GPHN: variants seen among roughly 807,000 people sequenced by gnomAD.
GPHN encodes gephyrin.
GPHN carries 17 observed loss-of-function variants against 95.5 expected under a neutral mutation model. That is an observed-to-expected ratio of 0.18 (90% CI 0.12 to 0.27). The LOEUF is 0.27. Ranked by LOEUF, GPHN falls within the 10% of genes least tolerant of loss-of-function variation. The pLI is 1.00. For missense variants in GPHN, 660 were observed against 978.1 expected, an observed-to-expected ratio of 0.67 and a Z score of 4.34; for synonymous variants, 320 against 322.5, an observed-to-expected ratio of 0.99 and a Z score of 0.08.
intron 1 of GPHN, among the ~76,000 whole-genome samples, chr14:66,580,850 CAA>C (rs2061132955): frequency 6.6e-5 from 10 of 151,512 alleles, no homozygotes; most frequent in Admixed American, 5.9e-4. Flanking sequence ...ATACCGAAGT[CAA>C]AGACACTACA....
At position 66,913,805 on chromosome 14, in the gene GPHN, A is replaced by G. The variant is rs570941736; in HGVS notation, c.390-2198A>G. Among the ~76,000 whole-genome samples, 54 of 152,290 alleles carry G rather than the reference A, an allele frequency of 3.5e-4. No individual in the cohort carries two copies. The South Asian group carries it at 9.1e-3, about 26-fold the overall frequency. On this transcript the variant is annotated intron_variant, in intron 5 of 22. Coordinates refer to ENST00000478722, the MANE Select transcript of GPHN (RefSeq NM_020806.5). Reference sequence around the variant, plus strand: ...CTTAGTACAGATCTTTAGCTATTTGATAAATATTGGAATATGCTAAAACTT... The same window carrying G: ...CTTAGTACAGATCTTTAGCTATTTGGTAAATATTGGAATATGCTAAAACTT...
chr14:67,345,018 G>A, the GPHN span, among the ~76,000 whole-genome samples: 1 of 152,158 alleles, frequency 6.6e-6, no homozygotes, highest in Non-Finnish European at 1.5e-5. Context: ...GAGGCGGGCT[G>A]ATTACTTGAG....
At chr14:66,614,308 A>G (rs371871823) in intron 1 of GPHN, among the ~76,000 whole-genome samples, 33 of 152,304 alleles carry the variant, frequency 2.2e-4, no homozygotes, top group Admixed American at 1.0e-3. Context: ...GAGGTACCAG[A>G]ACAAGATTTC....
the GPHN span, among the ~76,000 whole-genome samples, chr14:67,548,388 T>G: frequency 2.0e-5 from 3 of 152,146 alleles, no homozygotes; most frequent in African/African-American, 7.2e-5. Flanking sequence ...CCAAAAGGGC[T>G]TTGAGGGTAT....
At position 66,922,706 on chromosome 14, in the gene GPHN, T is replaced by C; in HGVS notation, c.497T>C (p.Ile166Thr). ...QFILPALPHA[I>T]DLLRDAIVKV... ...ATACTGCCAGCTCTACCTCATGCCATTGACCTTTTACGTGATGCCATTGTA... is the reference window on the plus strand; with the variant it reads ...ATACTGCCAGCTCTACCTCATGCCACTGACCTTTTACGTGATGCCATTGTA... Residue 166 changes from isoleucine to threonine, a missense_variant, in exon 7 of 23, where the codon ATT becomes ACT. Coordinates refer to ENST00000478722, the MANE Select transcript of GPHN (RefSeq NM_020806.5). 6.2e-7 allele frequency: 1 copy of C among 1,613,750 alleles called. No homozygotes were observed. Among genetic ancestry groups the C allele is most frequent in the East Asian group, 2.2e-5 (1 of 44,876 alleles).
At chr14:67,476,876 A>C in the GPHN span, among the ~76,000 whole-genome samples, 1 of 152,306 alleles carries the variant, frequency 6.6e-6, no homozygotes. Flanking sequence ...CTGTAATCCC[A>C]GCACTTTGGG....
the GPHN span, chr14:67,674,674 A>C: frequency 6.3e-6 from 3 of 473,338 alleles, no homozygotes; most frequent in Non-Finnish European, 1.1e-5. Context: ...TTCTCCAGCC[A>C]GTGATTGCTG....
intron 2 of GPHN, among the ~76,000 whole-genome samples, chr14:66,721,702 A>G (rs12588717): frequency 0.31 from 47,235 of 151,946 alleles, 11,156 homozygotes; most frequent in African/African-American, 0.64. Context: ...TGTAATCTCA[A>G]CACTTTGGAA....
chr14:67,572,082 C>G, the GPHN span: 98 of 1,563,978 alleles, frequency 6.3e-5, no homozygotes, highest in Non-Finnish European at 8.1e-5. Context: ...TCCTGGGCTG[C>G]GTGAGTCGGG....
At chr14:67,667,200 G>C in the GPHN span, among the ~76,000 whole-genome samples, 1 of 152,158 alleles carries the variant, frequency 6.6e-6, no homozygotes, top group Admixed American at 6.5e-5. Flanking sequence ...CTTAATGTTT[G>C]ACCAAGGTGG....
At chr14:67,600,355 T>G in the GPHN span, 1 of 611,104 alleles carries the variant, frequency 1.6e-6, no homozygotes, top group Non-Finnish European at 2.7e-6. Flanking sequence ...AGAGCTCTGC[T>G]GGGGGCTGAT....
At chr14:66,777,095 A>AG (rs1555403839) in intron 3 of GPHN, among the ~76,000 whole-genome samples, 4 of 151,890 alleles carry the variant, frequency 2.6e-5, no homozygotes, top group African/African-American at 7.2e-5. Context: ...AAAAAAAAAA[A>AG]AGAGAGAAGA....
intron 8 of GPHN, among the ~76,000 whole-genome samples, chr14:66,942,951 A>T (rs192427080): frequency 1.3e-5 from 2 of 152,348 alleles, no homozygotes; most frequent in African/African-American, 4.8e-5. Context: ...GATGACTCAG[A>T]TACTTTAAAA....
At chr14:67,592,644 G>A in the GPHN span, 7 of 1,589,446 alleles carry the variant, frequency 4.4e-6, no homozygotes, top group East Asian at 2.2e-5. Flanking sequence ...CCTGGAAGAC[G>A]GGTACTACTT....
intron 1 of GPHN, among the ~76,000 whole-genome samples, chr14:66,643,903 T>C (rs117956196): frequency 0.019 from 2,921 of 152,100 alleles, 44 homozygotes; most frequent in Middle Eastern, 0.034. Context: ...TTAATAATAC[T>C]GATTATGTTC....
At chr14:67,377,775 T>A in the GPHN span, among the ~76,000 whole-genome samples, 1 of 152,150 alleles carries the variant, frequency 6.6e-6, no homozygotes, top group African/African-American at 2.4e-5. Flanking sequence ...ACTTTTCCTT[T>A]ACTTTCTCTT....
the GPHN span, chr14:67,647,051 G>A: frequency 2.1e-6 from 3 of 1,456,246 alleles, no homozygotes; most frequent in African/African-American, 2.8e-5. Flanking sequence ...TGATGTCAGG[G>A]CAAACCCCCA....
rs565075083 is a variant in GPHN, at chr14:66,764,233, G to A, written c.144-12231G>A. Among the ~76,000 whole-genome samples, 25 of 152,208 alleles carry A rather than the reference G, an allele frequency of 1.6e-4. 1 individual carries two copies. In the South Asian group the frequency reaches 5.2e-3, roughly 32 times the overall value. On this transcript the variant is annotated intron_variant, in intron 2 of 22. Coordinates refer to ENST00000478722, the MANE Select transcript of GPHN (RefSeq NM_020806.5). The stretch of plus-strand genomic sequence containing the variant: ...AAAGTTTGGGAACCACTGATTTAAA[G>A]TATATGATGGGAGGATGTTCGTGGG...
At chr14:66,752,357 TCTC>T (rs2153448407) in intron 2 of GPHN, among the ~76,000 whole-genome samples, 1 of 152,304 alleles carries the variant, frequency 6.6e-6, no homozygotes, top group East Asian at 1.9e-4. Flanking sequence ...CATGCTTTCT[TCTC>T]TAGCTTATTC....
Sources: gnomAD v4.1 joint callset for allele counts (sites outside exome capture counted in the v4.1 genomes callset) on GRCh38, gnomAD v4.1.1 for gene constraint, MANE v1.5 for transcripts, NCBI Gene and HGNC (gene_info 2026-07-23, HGNC 2026-07-21) for gene names.